TGFB3: variants seen among roughly 807,000 people sequenced by gnomAD.
The protein encoded by TGFB3 is transforming growth factor beta 3, also known as transforming growth factor beta-3 proprotein.
In TGFB3, 5 loss-of-function variants were observed where a neutral mutation model predicts 40.1. The ratio of observed to expected loss-of-function variants is 0.12; its 90% CI spans 0.07 to 0.26. TGFB3 has a LOEUF of 0.26. Ranked by LOEUF, TGFB3 falls within the 10% of genes least tolerant of loss-of-function variation. The pLI, the probability that TGFB3 is intolerant of heterozygous loss-of-function variation, is 1.00. For missense variants in TGFB3, 373 were observed against 530.1 expected (o/e 0.70, Z 2.91); for synonymous variants, 184 against 205.6 (o/e 0.89, Z 0.90).
intron 4 of TGFB3, among the ~76,000 whole-genome samples, 171 bp downstream of exon 4, chr14:75,965,415 TAC>T (rs1473245307): frequency 1.3e-5 from 2 of 152,186 alleles, no homozygotes; most frequent in Admixed American, 1.3e-4. Flanking sequence ...AACTGAAAGT[TAC>T]ACTCATTGCT....
At chr14:75,976,455 C>A (rs1242474788) in intron 1 of TGFB3, among the ~76,000 whole-genome samples, 1 of 152,164 alleles carries the variant, frequency 6.6e-6, no homozygotes, top group Non-Finnish European at 1.5e-5. Context: ...ATGGTGTGAG[C>A]TTTCTATTGA....
rs2035427294 is a variant in TGFB3, at chr14:75,981,180, G to A, written c.-287C>T. 6.4e-6 allele frequency: 3 copies of A among 466,272 alleles called. No homozygotes were observed. Among genetic ancestry groups the A allele is most frequent in the Admixed American group, 6.8e-5 (2 of 29,542 alleles). The allele number at this position is 466,272 out of a possible 1,614,324, so 28.9% of individuals were successfully genotyped here. Reference sequence around the variant, plus strand: ...GGCTCTGACTCCCAGCAGGCCAGGTGGAGGGCAAGCAGAGGGCTGGGAGGG... The same window carrying A: ...GGCTCTGACTCCCAGCAGGCCAGGTAGAGGGCAAGCAGAGGGCTGGGAGGG... On this transcript the variant is annotated 5_prime_UTR_variant, in exon 1 of 7. Coordinates refer to ENST00000238682, the MANE Select transcript of TGFB3 (RefSeq NM_003239.5). This position sits in a 1 kb window ranked among gnomAD's most constrained non-coding sequence, Gnocchi z 4.7.
intron 3 of TGFB3, chr14:75,966,527 C>G (rs1272106753): frequency 6.5e-6 from 1 of 152,700 alleles, no homozygotes; most frequent in East Asian, 1.9e-4. Context: ...CCAAGATGAA[C>G]AGCTTGGGAA....
upstream of TGFB3, chr14:75,982,670 G>A (rs2035450529): frequency 6.6e-6 from 1 of 152,054 alleles, no homozygotes; most frequent in African/African-American, 2.4e-5. This position sits in a 1 kb window ranked among gnomAD's most constrained non-coding sequence, Gnocchi z 4.0. Context: ...GAGGCTCGGG[G>A]GCTGGGGGCT....
In TGFB3 at chr14:75,980,212, G is replaced by C. The variant is rs914370912; in HGVS notation, c.352+330C>G. Among the ~76,000 whole-genome samples, 1 of 152,164 alleles carries C rather than the reference G, an allele frequency of 6.6e-6. No individual in the cohort carries two copies. Among genetic ancestry groups the C allele is most frequent in the African/African-American group, 2.4e-5 (1 of 41,434 alleles). On this transcript the variant is annotated intron_variant, in intron 1 of 6. Coordinates refer to ENST00000238682, the MANE Select transcript of TGFB3 (RefSeq NM_003239.5). This position sits in a 1 kb window ranked among gnomAD's most constrained non-coding sequence, Gnocchi z 4.3. ...CCCAGATGCTTACAGTTACTGATACGATCGCATGTGCAAGAATACATATGT... is the reference window on the plus strand; with the variant it reads ...CCCAGATGCTTACAGTTACTGATACCATCGCATGTGCAAGAATACATATGT...
At chr14:75,966,521 G>A (rs1305516302) in intron 3 of TGFB3, 1 of 152,822 alleles carries the variant, frequency 6.5e-6, no homozygotes. Context: ...TGCTCACCAA[G>A]ATGAACAGCT....
At position 75,971,436 on chromosome 14, in the gene TGFB3, G is replaced by C. The variant is rs1185169177; in HGVS notation, c.516+119C>G. The C allele has an allele frequency of 4.6e-6, 7 of 1,535,328 alleles. No individual in the cohort carries two copies. Among genetic ancestry groups the C allele is most frequent in the African/African-American group, 2.7e-5 (2 of 72,914 alleles). ...GACAGACACAGATACGGAAACGAAG[G>C]CTCAGAGAAGCCAGGATTCAAACCC... On this transcript the variant is annotated intron_variant, in intron 2 of 6. Transcript: ENST00000238682. This position sits in a 1 kb window ranked among gnomAD's most constrained non-coding sequence, Gnocchi z 4.5.
chr14:75,971,534 C>T lies in TGFB3; in HGVS notation c.516+21G>A, dbSNP rs1184055139. 1 of 1,613,820 alleles carries T rather than the reference C, an allele frequency of 6.2e-7. No homozygotes were observed. Among genetic ancestry groups the T allele is most frequent in the South Asian group, 1.1e-5 (1 of 90,986 alleles). On this transcript the variant is annotated intron_variant, in intron 2 of 6. Transcript: ENST00000238682. The surrounding 1 kb of genome is among the most constrained non-coding windows in gnomAD (Gnocchi z 4.5). ...ACCAGCTTTCCCGTCGGTGTGGTTT[C>T]TGCTCTGAGAGAGGAGTTACCTGGA...
In TGFB3 at chr14:75,980,903, G is replaced by A. The variant is rs1164569457; in HGVS notation, c.-10C>T. The A allele has an allele frequency of 6.2e-7, 1 of 1,612,956 alleles. No homozygotes were observed. Among genetic ancestry groups the A allele is most frequent in the Admixed American group, 1.7e-5 (1 of 60,014 alleles). On this transcript the variant is annotated 5_prime_UTR_variant, in exon 1 of 7. It introduces an in-frame stop codon into an upstream open reading frame of the 5' UTR. Coordinates refer to ENST00000238682, the MANE Select transcript of TGFB3 (RefSeq NM_003239.5). This position sits in a 1 kb window ranked among gnomAD's most constrained non-coding sequence, Gnocchi z 4.3. The stretch of plus-strand genomic sequence containing the variant: ...GCAAGTGCATCTTCATGTGTGAGCT[G>A]GGAAGAGAGGCCAGGGGGACGGCAA...
chr14:75,966,433 C>A, intron 3 of TGFB3: 1 of 152,988 alleles, frequency 6.5e-6, no homozygotes, highest in Non-Finnish European at 1.5e-5. Flanking sequence ...GGAACAAGGA[C>A]ACAACGAGGT....
chr14:75,980,522 C>T lies in TGFB3; in HGVS notation c.352+20G>A, dbSNP rs1195575455. On this transcript the variant is annotated intron_variant, in intron 1 of 6. Coordinates refer to ENST00000238682, the MANE Select transcript of TGFB3 (RefSeq NM_003239.5). This position sits in a 1 kb window ranked among gnomAD's most constrained non-coding sequence, Gnocchi z 4.3. Reference sequence around the variant, plus strand: ...TTCAGACCCTCCAGAGCAGACACCCCAGCGAGAATTTGGACTTACTGTGCT... The same window carrying T: ...TTCAGACCCTCCAGAGCAGACACCCTAGCGAGAATTTGGACTTACTGTGCT... The T allele has an allele frequency of 1.2e-6, 2 of 1,612,830 alleles. No homozygotes were observed. The highest frequency in any genetic ancestry group is 1.7e-6 in the Non-Finnish European group (2 of 1,178,782).
chr14:75,971,468 G>T lies in TGFB3; in HGVS notation c.516+87C>A. 6.3e-7 allele frequency: 1 copy of T among 1,581,138 alleles called. No homozygotes were observed. Among genetic ancestry groups the T allele is most frequent in the Non-Finnish European group, 8.6e-7 (1 of 1,160,906 alleles). ...GAAGCCAGGATTCAAACCCAGGTCT[G>T]CCAAACGCTGCACCCAGTGGTGCCC... On this transcript the variant is annotated intron_variant, in intron 2 of 6. Transcript: ENST00000238682. This position sits in a 1 kb window ranked among gnomAD's most constrained non-coding sequence, Gnocchi z 4.5.
rs886050798 is a variant in TGFB3 at position 75,980,555 on chromosome 14, C to A, written c.339G>T (p.Gly113=). 6.2e-7 allele frequency: 1 copy of A among 1,614,244 alleles called. No individual in the cohort carries two copies. The highest frequency in any genetic ancestry group is 2.2e-5 in the East Asian group (1 of 44,870). Residue 113 remains glycine (G), a synonymous_variant, in exon 1 of 7, where the codon GGG becomes GGT. Coordinates refer to ENST00000238682, the MANE Select transcript of TGFB3 (RefSeq NM_003239.5). The surrounding 1 kb of genome is among the most constrained non-coding windows in gnomAD (Gnocchi z 4.3). ...KEIHKFDMIQ[G]LAEHNELAVC... ...ATTTGGACTTACTGTGCTCCGCCAG[C>A]CCCTGGATCATGTCGAATTTATGGA...
chr14:75,967,128 C>A (rs2035230276), intron 3 of TGFB3, among the ~76,000 whole-genome samples: 1 of 152,234 alleles, frequency 6.6e-6, no homozygotes, highest in African/African-American at 2.4e-5. Context: ...TTCTCATAGA[C>A]AGAAGGATAC....
Position 75,958,721 on chromosome 14 carries a change from T to G in TGFB3, c.*466A>C. 1 of 188,880 alleles carries G rather than the reference T, an allele frequency of 5.3e-6. No individual in the cohort carries two copies. Among genetic ancestry groups the G allele is most frequent in the South Asian group, 1.1e-4 (1 of 9,338 alleles). 11.7% of individuals were successfully genotyped at this position (188,880 alleles called of 1,614,324 possible). A position where few individuals can be genotyped will look rare whatever the true frequency, so the allele number is the denominator to read the frequency against. ...CCTGTCTTTAAAAAAAAAAAAAAAA[T>G]GCTTGCCTTGTATAACATAATCCAG... On this transcript the variant is annotated 3_prime_UTR_variant, in exon 7 of 7. Transcript: ENST00000238682.
In TGFB3 at chr14:75,971,460, C is replaced by T; in HGVS notation, c.516+95G>A. 1 of 1,572,308 alleles carries T rather than the reference C, an allele frequency of 6.4e-7. No individual in the cohort carries two copies. ...GGCTCAGAGAAGCCAGGATTCAAAC[C>T]CAGGTCTGCCAAACGCTGCACCCAG... On this transcript the variant is annotated intron_variant, in intron 2 of 6. Coordinates refer to ENST00000238682, the MANE Select transcript of TGFB3 (RefSeq NM_003239.5). The surrounding 1 kb of genome is among the most constrained non-coding windows in gnomAD (Gnocchi z 4.5).
chr14:75,970,881 T>G, intron 3 of TGFB3: 1 of 480,972 alleles, frequency 2.1e-6, no homozygotes, highest in Non-Finnish European at 3.8e-6. Flanking sequence ...CACCCACTCA[T>G]TGTCACATTG....
chr14:75,974,764 CAA>C (rs763057157), intron 1 of TGFB3, among the ~76,000 whole-genome samples: 108 of 110,776 alleles, frequency 9.7e-4, no homozygotes, highest in African/African-American at 3.6e-3. Context: ...GACTCCATCT[CAA>C]AAAAAAAAAA....
chr14:75,977,794 T>A (rs997390768), intron 1 of TGFB3, among the ~76,000 whole-genome samples: 10 of 151,790 alleles, frequency 6.6e-5, no homozygotes, highest in African/African-American at 2.4e-4. Context: ...ATGTTATAAA[T>A]CAAAGTTCTA....
Sources: gnomAD v4.1 joint callset for allele counts (sites outside exome capture counted in the v4.1 genomes callset) on GRCh38, gnomAD v4.1.1 for gene constraint, Gnocchi (gnomAD v3.1) non-coding constraint, MANE v1.5 for transcripts, NCBI Gene and HGNC (gene_info 2026-07-23, HGNC 2026-07-21) for gene names.